The following BCAR3 variants were observed in gnomAD, a reference collection of about 807,000 sequenced individuals.
The protein encoded by BCAR3 is BCAR3 adaptor protein, NSP family member.
Under a neutral mutation model 80.1 loss-of-function variants are expected in BCAR3, and 37 were observed. The ratio of observed to expected loss-of-function variants is 0.46; its 90% confidence interval spans 0.36 to 0.61. BCAR3 has a LOEUF of 0.61. Ranked by LOEUF, BCAR3 falls within the 20% of genes least tolerant of loss-of-function variation. BCAR3 has a pLI of 0.00. For synonymous variants in BCAR3, 389 were observed against 418.9 expected, an observed-to-expected ratio of 0.93 and a Z score of 0.87; for missense variants, 978 against 1,068.2, an observed-to-expected ratio of 0.92 and a Z score of 1.18.
chr1:93,583,926 T>C, intron 6 of BCAR3, 92 bp downstream of exon 6: 1 of 1,306,934 alleles, frequency 7.7e-7, no homozygotes, highest in Non-Finnish European at 1.1e-6. Context: ...CTTGTGTCGT[T>C]TTCGAATGAG....
chr1:93,737,263 T>C lies in BCAR3; in HGVS notation c.-62-31121A>G, dbSNP rs1340698893. Among the ~76,000 whole-genome samples, 4 of 152,234 alleles carry C rather than the reference T, an allele frequency of 2.6e-5. No individual in the cohort carries two copies. In the East Asian group the frequency reaches 5.8e-4, roughly 22 times the overall value. The stretch of plus-strand genomic sequence containing the variant: ...TTGAATGGTGTCCCCCAAGAATTCC[T>C]GTTCACCCAGAACCTCAGAATGTGA... On this transcript the variant is annotated intron_variant, in intron 2 of 13. Transcript: ENST00000370244.
At chr1:93,574,513 A>T (rs1673368020) in intron 8 of BCAR3, among the ~76,000 whole-genome samples, 1 of 152,214 alleles carries the variant, frequency 6.6e-6, no homozygotes, top group Non-Finnish European at 1.5e-5. Context: ...GAAAAGACAA[A>T]TGAAGTGGAA....
At chr1:93,715,872 A>G (rs373029295) in intron 2 of BCAR3, among the ~76,000 whole-genome samples, 18 of 152,350 alleles carry the variant, frequency 1.2e-4, no homozygotes, top group East Asian at 1.2e-3. Flanking sequence ...AATTTCTGTC[A>G]GAACAAGCCA....
rs1180726209 is a variant in BCAR3, at chr1:93,825,285, C to T, written c.-63+20282G>A. Among the ~76,000 whole-genome samples the T allele has an allele frequency of 2.2e-5, 3 of 133,430 alleles. 1 individual carries two copies. Among genetic ancestry groups the T allele is most frequent in the African/African-American group, 7.6e-5 (3 of 39,706 alleles). 87.5% of individuals were successfully genotyped at this position (133,430 alleles called of 152,430 possible). A position where few individuals can be genotyped will look rare whatever the true frequency, so the allele number is the denominator to read the frequency against. On this transcript the variant is annotated intron_variant, in intron 2 of 13. Transcript: ENST00000370244. ...ACTTGGCCGGCAGCTTCCCCCAGCA[C>T]AGCTATCCACCTGAAGTGCACTCAC... is the stretch of plus-strand genomic sequence containing the variant.
chr1:93,845,948 G>C (rs1411755246), intron 1 of BCAR3, among the ~76,000 whole-genome samples: 3 of 152,152 alleles, frequency 2.0e-5, no homozygotes, highest in South Asian at 4.1e-4. Flanking sequence ...GGTGTGTTCT[G>C]TCAGCATTCA....
At chr1:93,767,920 T>G (rs1236394237) in intron 2 of BCAR3, among the ~76,000 whole-genome samples, 1 of 152,196 alleles carries the variant, frequency 6.6e-6, no homozygotes, top group African/African-American at 2.4e-5. Flanking sequence ...CTTCTGAAAC[T>G]AGATAGGGGT....
At chr1:93,642,271 G>A in intron 3 of BCAR3, 33 bp downstream of exon 3, 1 of 1,607,974 alleles carries the variant, frequency 6.2e-7, no homozygotes, top group South Asian at 1.1e-5. Context: ...ACTACCCAGG[G>A]TCACGGCTAC....
intron 2 of BCAR3, among the ~76,000 whole-genome samples, chr1:93,748,557 A>G (rs1016270441): frequency 6.6e-6 from 1 of 151,954 alleles, no homozygotes; most frequent in Non-Finnish European, 1.5e-5. Flanking sequence ...TGTGATTTTT[A>G]ATTTCTGGCT....
At chr1:93,840,408 G>A (rs1420570740) in intron 2 of BCAR3, among the ~76,000 whole-genome samples, 2 of 152,140 alleles carry the variant, frequency 1.3e-5, no homozygotes, top group African/African-American at 4.8e-5. Context: ...CCAGAAAAGT[G>A]CCTGGTGTGA....
chr1:93,573,608 T>TA, intron 8 of BCAR3, among the ~76,000 whole-genome samples: 1 of 143,904 alleles, frequency 6.9e-6, no homozygotes, highest in Non-Finnish European at 1.5e-5. Context: ...TAAAATATAT[T>TA]TTTATTATTA....
At chr1:93,584,301 G>T (rs1673853295) in intron 5 of BCAR3, among the ~76,000 whole-genome samples, 180 bp from the exon 6 acceptor site, 1 of 152,178 alleles carries the variant, frequency 6.6e-6, no homozygotes, top group Non-Finnish European at 1.5e-5. Context: ...CTGATGGGAC[G>T]ATTAATATAT....
chr1:93,718,566 T>A (rs377006445), intron 2 of BCAR3, among the ~76,000 whole-genome samples: 15 of 152,190 alleles, frequency 9.9e-5, no homozygotes, highest in African/African-American at 3.6e-4. Context: ...AAAATGGAGA[T>A]GATAGCTACA....
intron 9 of BCAR3, 132 bp downstream of exon 9, chr1:93,571,538 C>T (rs1398252625): frequency 1.7e-6 from 2 of 1,165,814 alleles, no homozygotes; most frequent in East Asian, 2.5e-5. Flanking sequence ...AGGACACTGT[C>T]CCCTAAATGA....
intron 2 of BCAR3, among the ~76,000 whole-genome samples, chr1:93,728,524 C>T (rs781650492): frequency 6.6e-5 from 10 of 152,154 alleles, no homozygotes; most frequent in Admixed American, 1.3e-4. Context: ...TTGGATCACG[C>T]GTGGACTTGG....
intron 2 of BCAR3, among the ~76,000 whole-genome samples, chr1:93,742,047 A>G (rs1651199460): frequency 6.6e-6 from 1 of 152,196 alleles, no homozygotes; most frequent in South Asian, 2.1e-4. Flanking sequence ...TTCAGTGTAG[A>G]CAGGAGAATG....
intron 11 of BCAR3, among the ~76,000 whole-genome samples, chr1:93,566,525 A>G (rs1026335545): frequency 1.3e-5 from 2 of 152,112 alleles, no homozygotes; most frequent in African/African-American, 4.8e-5. Context: ...CTGTCACCAT[A>G]GCACTTGTAA....
At chr1:93,760,167 GA>G (rs35204994) in intron 2 of BCAR3, among the ~76,000 whole-genome samples, 128 of 147,912 alleles carry the variant, frequency 8.7e-4, no homozygotes, top group African/African-American at 3.0e-3. Context: ...TGGCCCACAG[GA>G]AAAAAAAAAG....
chr1:93,782,432 A>G (rs1200742201), intron 2 of BCAR3, among the ~76,000 whole-genome samples: 1 of 152,228 alleles, frequency 6.6e-6, no homozygotes, highest in Admixed American at 6.5e-5. Context: ...TCTCTAAGGG[A>G]CATCTTCAGC....
chr1:93,610,681 C>T lies in BCAR3; in HGVS notation c.358-18288G>A, dbSNP rs538324890. Among the ~76,000 whole-genome samples the T allele has an allele frequency of 2.0e-4, 30 of 152,270 alleles. 1 individual carries two copies. Among genetic ancestry groups the T allele is most frequent in the African/African-American group, 7.0e-4 (29 of 41,562 alleles). ...ACGCTAGCAGCCAGGCATGGTGGCT[C>T]ACACCTGTAATCCCAGCACTTTGGG... is the stretch of plus-strand genomic sequence containing the variant. On this transcript the variant is annotated intron_variant, in intron 3 of 11. Transcript: ENST00000260502.
Sources: allele counts gnomAD v4.1 joint callset (sites outside exome capture counted in the v4.1 genomes callset), GRCh38; gene constraint gnomAD v4.1.1; transcripts MANE v1.5; gene names NCBI Gene and HGNC (gene_info 2026-07-23, HGNC 2026-07-21).